SLC29A1: variants seen among roughly 807,000 people sequenced by gnomAD.
SLC29A1 encodes the protein equilibrative nucleoside transporter 1.
A neutral mutation model predicts 48.3 loss-of-function variants in SLC29A1; 22 were observed. The ratio of observed to expected loss-of-function variants is 0.46; its 90% CI spans 0.33 to 0.65. The LOEUF (loss-of-function observed/expected upper bound fraction) is 0.65, where lower values mean the gene tolerates loss of function less well. Ranked by LOEUF, SLC29A1 falls within the 30% of genes least tolerant of loss-of-function variation. SLC29A1 has a pLI of 0.03. For missense variants in SLC29A1, 491 were observed against 575.3 expected (o/e 0.85, Z 1.50); for synonymous variants, 228 against 231.0 (o/e 0.99, Z 0.12).
At chr6:44,224,397 C>G (rs1294515840) in intron 1 of SLC29A1, among the ~76,000 whole-genome samples, 1 of 151,940 alleles carries the variant, frequency 6.6e-6, no homozygotes, top group Non-Finnish European at 1.5e-5. Flanking sequence ...CTGCCTGACA[C>G]TCAAGTCAGG....
Position 44,231,439 on chromosome 6 carries a change from C to G in SLC29A1, c.842C>G (p.Ser281Cys). 6.2e-7 allele frequency: 1 copy of G among 1,605,604 alleles called. No individual in the cohort carries two copies. Among genetic ancestry groups the G allele is most frequent in the Non-Finnish European group, 8.5e-7 (1 of 1,174,472 alleles). ...SNSQPTNESHSIKAILKNISV... is the reference protein window; with the variant it reads ...SNSQPTNESHCIKAILKNISV... The stretch of plus-strand genomic sequence containing the variant: ...TCTCAGCCCACCAATGAAAGCCACT[C>G]TATCAAAGCCATCCTGAAAAATGTA... The change falls in exon 9 of 13, where the codon TCT becomes TGT. Residue 281 changes from serine (S) to cysteine (C), a missense_variant. Physicochemically the swap from Ser to Cys is moderately radical, Grantham distance 112. Coordinates refer to ENST00000371755, the MANE Select transcript of SLC29A1 (RefSeq NM_001372327.1).
Position 44,231,416 on chromosome 6 carries a change from T to G in SLC29A1, c.819T>G (p.Ser273=). The G allele has an allele frequency of 6.2e-7, 1 of 1,607,534 alleles. No homozygotes were observed. The highest frequency in any genetic ancestry group is 8.5e-7 in the Non-Finnish European group (1 of 1,176,082). ...KEESGVSVSN[S]QPTNESHSIK... ...AATCTGGAGTTTCAGTCTCCAACTC[T>G]CAGCCCACCAATGAAAGCCACTCTA... The change falls in exon 9 of 13, where the codon TCT becomes TCG. Residue 273 remains serine, a synonymous_variant. Transcript: ENST00000371755.
In SLC29A1 at chr6:44,232,912, G is replaced by A; in HGVS notation, c.1165G>A (p.Val389Ile). The change falls in exon 12 of 13, where the codon GTC becomes ATC. Residue 389 changes from valine (V) to isoleucine (I), a missense_variant. By Grantham distance (29) the Val-to-Ile change is conservative. Transcript: ENST00000371755. This position sits in a 1 kb window ranked among gnomAD's most constrained non-coding sequence, Gnocchi z 4.7. ...TAAGCCCCGCCGCTACCTGACTGTG[G>A]TCTTCGAGCACGATGCCTGGTTCAT... ...NIKPRRYLTV[V>I]FEHDAWFIFF... 2 of 1,614,186 alleles carry A rather than the reference G, an allele frequency of 1.2e-6. No individual in the cohort carries two copies. Among genetic ancestry groups the A allele is most frequent in the Non-Finnish European group, 1.7e-6 (2 of 1,180,046 alleles).
intron 1 of SLC29A1, among the ~76,000 whole-genome samples, chr6:44,224,677 C>G (rs1777099798): frequency 6.6e-6 from 1 of 152,166 alleles, no homozygotes; most frequent in African/African-American, 2.4e-5. Context: ...GACAAGAGAT[C>G]TGCAGGTAGT....
intron 2 of SLC29A1, among the ~76,000 whole-genome samples, chr6:44,228,147 A>G (rs1445266215): frequency 6.6e-6 from 1 of 152,158 alleles, no homozygotes; most frequent in African/African-American, 2.4e-5. Flanking sequence ...AGGCATGGCA[A>G]TAAGTCCAGG....
chr6:44,232,224 C>T lies in SLC29A1; in HGVS notation c.973+118C>T, dbSNP rs1779057322. 8.7e-7 allele frequency: 1 copy of T among 1,153,236 alleles called. No homozygotes were observed. The highest frequency in any genetic ancestry group is 1.3e-6 in the Non-Finnish European group (1 of 762,430). 71.4% of individuals were successfully genotyped at this position (1,153,236 alleles called of 1,614,324 possible). On this transcript the variant is annotated intron_variant, in intron 10 of 12. Transcript: ENST00000371755. The surrounding 1 kb of genome is among the most constrained non-coding windows in gnomAD (Gnocchi z 4.7). The stretch of plus-strand genomic sequence containing the variant: ...CCGTTTCCTGGGTCCATTTGCCCTT[C>T]CCTGGGCTGGAAGCATCTTCTCCAT...
Position 44,229,195 on chromosome 6 carries a change from C to G in SLC29A1, c.30-195C>G, listed in dbSNP as rs1055650120. On this transcript the variant is annotated intron_variant, in intron 2 of 12. Transcript: ENST00000371755. This position sits in a 1 kb window ranked among gnomAD's most constrained non-coding sequence, Gnocchi z 5.1. ...CCTATGACCCTGACCCCATCCCCAC[C>G]CCAAATTCCAACGAGCAATGTACCC... 3.3e-5 allele frequency among the ~76,000 whole-genome samples: 5 copies of G among 152,284 alleles called. No individual in the cohort carries two copies. The highest frequency in any genetic ancestry group is 7.4e-5 in the Non-Finnish European group (5 of 68,024).
chr6:44,229,352 G>A lies in SLC29A1; in HGVS notation c.30-38G>A, dbSNP rs1316382420. On this transcript the variant is annotated intron_variant, in intron 2 of 12. Coordinates refer to ENST00000371755, the MANE Select transcript of SLC29A1 (RefSeq NM_001372327.1). The surrounding 1 kb of genome is among the most constrained non-coding windows in gnomAD (Gnocchi z 5.1). ...GGCTCATTGTGGAGTGGGGCAGGAT[G>A]GTGCGTCATTTGGCCCATCTTTCCT... The A allele has an allele frequency of 4.7e-6, 7 of 1,496,922 alleles. No homozygotes were observed. Among genetic ancestry groups the A allele is most frequent in the Non-Finnish European group, 6.5e-6 (7 of 1,073,036 alleles). The allele number at this position is 1,496,922 out of a possible 1,614,324, so 92.7% of individuals were successfully genotyped here.
intron 2 of SLC29A1, 122 bp downstream of exon 2, chr6:44,227,464 C>T: frequency 1.2e-6 from 1 of 847,530 alleles, no homozygotes; most frequent in Non-Finnish European, 1.9e-6. Flanking sequence ...AGCTATGAGT[C>T]AGGTCTGCAT....
At chr6:44,220,845 C>T (rs1057181072), upstream of SLC29A1, among the ~76,000 whole-genome samples, 1 of 142,912 alleles carries the variant, frequency 7.0e-6, no homozygotes, top group Non-Finnish European at 1.5e-5. Flanking sequence ...AAAAAAAAAA[C>T]AAACTTATTT....
At chr6:44,226,960 C>T (rs1777680712) in intron 1 of SLC29A1, 2 of 1,130,856 alleles carry the variant, frequency 1.8e-6, no homozygotes, top group African/African-American at 1.6e-5. Context: ...TCCTGCTCTC[C>T]ACCCTCCTGT....
intron 1 of SLC29A1, chr6:44,226,696 G>A: frequency 1.0e-6 from 1 of 975,412 alleles, no homozygotes; most frequent in Non-Finnish European, 1.2e-6. Flanking sequence ...CCCCAGGGAG[G>A]GTGGAGAGAC....
intron 1 of SLC29A1, chr6:44,226,008 C>A: frequency 1.6e-6 from 1 of 636,332 alleles, no homozygotes. Context: ...GCCTGAGGGA[C>A]TCTCTCCTGA....
In SLC29A1 at chr6:44,230,032, T is replaced by C. The variant is rs147512963; in HGVS notation, c.440T>C (p.Ile147Thr). ...TTCTTTGTCATCACCATGATCAAGA[T>C]CGTGCTCATTAATTGTAAGCTGGGC... Reference protein sequence around the residue: ...LPFFVITMIKIVLINSFGAIL... With the variant: ...LPFFVITMIKTVLINSFGAIL... Residue 147 changes from isoleucine (I) to threonine (T), a missense_variant, in exon 5 of 13, where the codon ATC becomes ACC. By Grantham distance (89) the Ile-to-Thr change is moderately conservative. Transcript: ENST00000371755. 29 of 1,607,856 alleles carry C rather than the reference T, an allele frequency of 1.8e-5. No individual in the cohort carries two copies. The African/African-American group carries it at 2.5e-4, about 14-fold the overall frequency.
At chr6:44,231,519 G>T (rs1479938136) in intron 9 of SLC29A1, 58 bp downstream of exon 9, 5 of 1,134,070 alleles carry the variant, frequency 4.4e-6, no homozygotes, top group East Asian at 5.1e-5. Context: ...TCCTCCTTTT[G>T]CTCCCTCCCC....
At position 44,232,849 on chromosome 6, in the gene SLC29A1, C is replaced by G. The variant is rs751747928; in HGVS notation, c.1102C>G (p.Arg368Gly). The change falls in exon 12 of 13, where the codon CGG becomes GGG. Residue 368 changes from arginine to glycine, a missense_variant. Arg to Gly is a moderately radical substitution (Grantham distance 125). Transcript: ENST00000371755. The surrounding 1 kb of genome is among the most constrained non-coding windows in gnomAD (Gnocchi z 4.7). Reference protein sequence around the residue: ...SRWLPSLVLARLVFVPLLLLC... With the variant: ...SRWLPSLVLAGLVFVPLLLLC... ...CTGGCTGCCAAGCCTGGTGCTGGCC[C>G]GGCTGGTGTTTGTGCCACTGCTGCT... 3 of 1,613,552 alleles carry G rather than the reference C, an allele frequency of 1.9e-6. No homozygotes were observed. The highest frequency in any genetic ancestry group is 2.5e-6 in the Non-Finnish European group (3 of 1,180,030).
intron 1 of SLC29A1, among the ~76,000 whole-genome samples, chr6:44,224,862 T>C (rs1042323564): frequency 1.3e-5 from 2 of 152,142 alleles, no homozygotes; most frequent in African/African-American, 4.8e-5. Context: ...TGTTTGCCGC[T>C]GGGCAAAGGC....
chr6:44,219,941 G>T (rs1003335088), upstream of SLC29A1, among the ~76,000 whole-genome samples: 1 of 152,196 alleles, frequency 6.6e-6, no homozygotes, highest in Non-Finnish European at 1.5e-5. Context: ...TGGATGCGGG[G>T]CCACTTTTCT....
chr6:44,223,435 G>C, upstream of SLC29A1: 2 of 665,866 alleles, frequency 3.0e-6, no homozygotes, highest in Non-Finnish European at 3.7e-6. This position sits in a 1 kb window ranked among gnomAD's most constrained non-coding sequence, Gnocchi z 5.0. Context: ...GGGCGCAGGG[G>C]CTCGGGGTGG....
Sources: gnomAD v4.1 joint callset for allele counts (sites outside exome capture counted in the v4.1 genomes callset) on GRCh38, gnomAD v4.1.1 for gene constraint, Gnocchi (gnomAD v3.1) non-coding constraint, MANE v1.5 for transcripts, NCBI Gene and HGNC (gene_info 2026-07-23, HGNC 2026-07-21) for gene names.